KSR2: variants seen among roughly 807,000 people sequenced by gnomAD.
KSR2 encodes the protein kinase suppressor of ras 2.
KSR2 carries 25 observed loss-of-function variants against 107.8 expected under a neutral mutation model. That is an observed-to-expected ratio of 0.23 (90% CI 0.17 to 0.32). The LOEUF is 0.32. Among genes scored for constraint, KSR2 ranks in the 10% least tolerant of loss-of-function variants. KSR2 has a pLI of 1.00. For synonymous variants in KSR2, 480 were observed against 507.0 expected, an observed-to-expected ratio of 0.95 and a Z score of 0.71; for missense variants, 887 against 1,268.9, an observed-to-expected ratio of 0.70 and a Z score of 4.57.
chr12:117,826,947 C>T (rs975774103), intron 3 of KSR2, among the ~76,000 whole-genome samples: 15 of 148,064 alleles, frequency 1.0e-4, no homozygotes, highest in African/African-American at 3.8e-4. Flanking sequence ...ATTAGCCGGG[C>T]ATAGAGGCAC....
chr12:117,525,231 G>A lies in KSR2; in HGVS notation c.1852-12C>T, dbSNP rs1425469436. The stretch of plus-strand genomic sequence containing the variant: ...TGGACCTCTTCATTCTGTGGCCGGA[G>A]TGGGAGAGAGGTCAGAATTGTGTCT... On this transcript the variant is annotated splice_polypyrimidine_tract_variant and intron_variant, in intron 13 of 19. Coordinates refer to ENST00000339824, the MANE Select transcript of KSR2 (RefSeq NM_173598.6). 1 of 1,573,272 alleles carries A rather than the reference G, an allele frequency of 6.4e-7. No individual in the cohort carries two copies. The highest frequency in any genetic ancestry group is 8.6e-7 in the Non-Finnish European group (1 of 1,156,220).
chr12:117,561,745 C>T (rs1757349923), intron 7 of KSR2, among the ~76,000 whole-genome samples: 2 of 152,202 alleles, frequency 1.3e-5, no homozygotes, highest in African/African-American at 4.8e-5. Flanking sequence ...ATCAAAATCC[C>T]AAGTTACTGT....
At chr12:117,533,277 A>T in intron 10 of KSR2, among the ~76,000 whole-genome samples, 1 of 152,324 alleles carries the variant, frequency 6.6e-6, no homozygotes, top group Non-Finnish European at 1.5e-5. Flanking sequence ...CTGAGGTTGA[A>T]ATGTATTGAT....
At chr12:117,478,180 T>A (rs1871912953) in intron 16 of KSR2, among the ~76,000 whole-genome samples, 1 of 152,164 alleles carries the variant, frequency 6.6e-6, no homozygotes, top group Admixed American at 6.5e-5. Flanking sequence ...GCTAGCTAGA[T>A]TCTTCCAGAG....
intron 3 of KSR2, among the ~76,000 whole-genome samples, chr12:117,852,760 T>C (rs1485577796): frequency 1.3e-5 from 2 of 152,158 alleles, no homozygotes; most frequent in Non-Finnish European, 2.9e-5. Context: ...TCTGGAAAGA[T>C]ATATGACAAT....
chr12:117,560,044 TAAAA>T (rs1423095281), intron 7 of KSR2, among the ~76,000 whole-genome samples: 1 of 152,190 alleles, frequency 6.6e-6, no homozygotes, highest in Non-Finnish European at 1.5e-5. Context: ...TAGTTCTCTT[TAAAA>T]TAATGGTTTG....
At chr12:117,566,013 G>A (rs1167951720) in intron 7 of KSR2, among the ~76,000 whole-genome samples, 1 of 152,034 alleles carries the variant, frequency 6.6e-6, no homozygotes, top group Admixed American at 6.5e-5. Context: ...TTGTTACATA[G>A]GTAAACTCAT....
intron 3 of KSR2, among the ~76,000 whole-genome samples, chr12:117,822,120 T>G (rs1891583091): frequency 6.6e-6 from 1 of 152,156 alleles, no homozygotes; most frequent in Admixed American, 6.5e-5. Context: ...CATGGCAACA[T>G]CAGAAAGTTA....
rs1872352061 is a variant in KSR2 at position 117,484,565 on chromosome 12, A to G, written c.2317-16T>C. The G allele has an allele frequency of 6.2e-7, 1 of 1,612,972 alleles. No homozygotes were observed. Among genetic ancestry groups the G allele is most frequent in the Non-Finnish European group, 8.5e-7 (1 of 1,179,262 alleles). On this transcript the variant is annotated splice_polypyrimidine_tract_variant and intron_variant, in intron 15 of 19. Coordinates refer to ENST00000339824, the MANE Select transcript of KSR2 (RefSeq NM_173598.6). ...AGCCCATGCCCTGCAAGAAGCAAGG[A>G]ACAGAGAGTTGCCAGAGAAAAACCT...
At position 117,484,434 on chromosome 12, in the gene KSR2, C is replaced by T; in HGVS notation, c.2432G>A (p.Gly811Glu). 1.2e-6 allele frequency: 2 copies of T among 1,613,958 alleles called. No individual in the cohort carries two copies. Among genetic ancestry groups the T allele is most frequent in the South Asian group, 1.1e-5 (1 of 91,044 alleles). Residue 811 changes from glycine (G) to glutamate (E), a missense_variant, in exon 16 of 20, where the codon GGG becomes GAG. By Grantham distance (98) the Gly-to-Glu change is moderately conservative. Transcript: ENST00000339824. The stretch of plus-strand genomic sequence containing the variant: ...CTCTCACCTGCCAGCCTGCAGCACC[C>T]CAGAAATGCTGAAGAGTCCAAAGTC... ...ITDFGLFSISGVLQAGRREDK... is the reference protein window; with the variant it reads ...ITDFGLFSISEVLQAGRREDK...
intron 3 of KSR2, among the ~76,000 whole-genome samples, chr12:117,773,539 A>C (rs908583622): frequency 3.3e-5 from 5 of 152,204 alleles, no homozygotes; most frequent in Non-Finnish European, 1.5e-5. Context: ...GAATCTACAC[A>C]GTAGATTCTT....
chr12:117,842,509 T>C lies in KSR2; in HGVS notation c.472+12919A>G, dbSNP rs1892531841. On this transcript the variant is annotated intron_variant, in intron 3 of 19. Coordinates refer to ENST00000339824, the MANE Select transcript of KSR2 (RefSeq NM_173598.6). This position sits in a 1 kb window ranked among gnomAD's most constrained non-coding sequence, Gnocchi z 4.2. ...CTGGGGGTCTCATTCTAAGATGTAATAGTCTGTTTGGAGCTGACTCAGTTC... is the reference window on the plus strand; with the variant it reads ...CTGGGGGTCTCATTCTAAGATGTAACAGTCTGTTTGGAGCTGACTCAGTTC... 6.6e-6 allele frequency among the ~76,000 whole-genome samples: 1 copy of C among 152,130 alleles called. No homozygotes were observed. The highest frequency in any genetic ancestry group is 2.1e-4 in the South Asian group (1 of 4,826).
intron 1 of KSR2, among the ~76,000 whole-genome samples, chr12:117,878,240 A>G (rs941735777): frequency 6.8e-6 from 1 of 147,504 alleles, no homozygotes; most frequent in Non-Finnish European, 1.5e-5. Flanking sequence ...AAGTAAATCA[A>G]TAATAACACA....
intron 14 of KSR2, among the ~76,000 whole-genome samples, chr12:117,521,652 G>A (rs373809676): frequency 1.2e-4 from 19 of 152,158 alleles, no homozygotes; most frequent in African/African-American, 4.6e-4. Context: ...TGTTAACTTC[G>A]ATGATAATTA....
At chr12:117,718,932 G>A (rs1169163158) in intron 4 of KSR2, among the ~76,000 whole-genome samples, 1 of 152,136 alleles carries the variant, frequency 6.6e-6, no homozygotes, top group African/African-American at 2.4e-5. Context: ...TCTCTAAAAG[G>A]AGAGGACTTC....
chr12:117,761,307 G>C lies in KSR2; in HGVS notation c.690C>G (p.Asp230Glu). 6.5e-7 allele frequency: 1 copy of C among 1,527,712 alleles called. No individual in the cohort carries two copies. Among genetic ancestry groups the C allele is most frequent in the Non-Finnish European group, 8.8e-7 (1 of 1,141,722 alleles). 94.6% of individuals were successfully genotyped at this position (1,527,712 alleles called of 1,614,324 possible). A position where few individuals can be genotyped will look rare whatever the true frequency, so the allele number is the denominator to read the frequency against. Residue 230 changes from aspartate (D) to glutamate (E), a missense_variant, in exon 4 of 20, where the codon GAC (aspartate) becomes GAG (glutamate). Asp to Glu is a conservative substitution (Grantham distance 45, BLOSUM62 2). Transcript: ENST00000339824. ...GGGGCGGGCACAAGCCCGGGTAGGC[G>C]TCCACGGTAAGCCTGTCCACGTGGG... ...VYTHVDRLTVDAYPGLCPPPP... is the reference protein window; with the variant it reads ...VYTHVDRLTVEAYPGLCPPPP...
At chr12:117,939,675 G>A (rs1373090658) in intron 1 of KSR2, among the ~76,000 whole-genome samples, 1 of 151,976 alleles carries the variant, frequency 6.6e-6, no homozygotes. Context: ...TAGTGCCACT[G>A]TACTCCAGCC....
intron 6 of KSR2, among the ~76,000 whole-genome samples, chr12:117,579,772 C>T (rs901826888): frequency 2.0e-5 from 3 of 152,138 alleles, no homozygotes; most frequent in Non-Finnish European, 4.4e-5. Flanking sequence ...AGAGAAGAAA[C>T]CTTGAAAGTG....
rs962094519 is a variant in KSR2 at position 117,457,096 on chromosome 12, A to G, written c.*10103T>C. 6.6e-6 allele frequency: 1 copy of G among 152,222 alleles called. No homozygotes were observed. The highest frequency in any genetic ancestry group is 1.5e-5 in the Non-Finnish European group (1 of 68,044). The allele number at this position is 152,222 out of a possible 1,614,324, so 9.4% of individuals were successfully genotyped here. ...TTAGAAGGGCTGTGGAAGGATGGAG[A>G]GAATGACTGGAGATTTCAGCCCCTG... is the stretch of plus-strand genomic sequence containing the variant. On this transcript the variant is annotated 3_prime_UTR_variant, in exon 20 of 20. Transcript: ENST00000339824.
Sources: allele counts gnomAD v4.1 joint callset (sites outside exome capture counted in the v4.1 genomes callset), GRCh38; gene constraint gnomAD v4.1.1; non-coding constraint Gnocchi (gnomAD v3.1); transcripts MANE v1.5; gene names NCBI Gene and HGNC (gene_info 2026-07-23, HGNC 2026-07-21).